RAPGEF5: variants seen among roughly 807,000 people sequenced by gnomAD.
RAPGEF5 encodes the protein Rap guanine nucleotide exchange factor 5, also known as M-Ras-regulated GEF.
A neutral mutation model predicts 125.2 loss-of-function variants in RAPGEF5; 65 were observed. That is an observed-to-expected ratio of 0.52 (90% confidence interval 0.43 to 0.64). RAPGEF5 has a LOEUF of 0.64. Ranked by LOEUF, RAPGEF5 falls within the 30% of genes least tolerant of loss-of-function variation. The pLI, the probability that RAPGEF5 is intolerant of heterozygous loss-of-function variation, is 0.00. For missense variants in RAPGEF5, 958 were observed against 1,048.1 expected (o/e 0.91, Z 1.19); for synonymous variants, 391 against 385.9 (o/e 1.01, Z -0.16).
intron 5 of RAPGEF5, among the ~76,000 whole-genome samples, chr7:22,305,160 C>A (rs1391799617): frequency 6.6e-6 from 1 of 152,162 alleles, no homozygotes; most frequent in Non-Finnish European, 1.5e-5. Context: ...GGACGGGTTA[C>A]CCGATCTCTG....
chr7:22,206,165 C>T (rs1015906274), intron 9 of RAPGEF5, among the ~76,000 whole-genome samples: 1 of 152,094 alleles, frequency 6.6e-6, no homozygotes, highest in African/African-American at 2.4e-5. Flanking sequence ...TCTTAGACAT[C>T]TAATATCTTA....
chr7:22,254,878 C>G (rs1786717225), intron 7 of RAPGEF5, among the ~76,000 whole-genome samples: 1 of 152,170 alleles, frequency 6.6e-6, no homozygotes, highest in Admixed American at 6.5e-5. Context: ...TGCCACTGAT[C>G]TGACAGGTGG....
At chr7:22,349,239 C>A (rs1039319448) in intron 1 of RAPGEF5, among the ~76,000 whole-genome samples, 1 of 151,676 alleles carries the variant, frequency 6.6e-6, no homozygotes, top group Non-Finnish European at 1.5e-5. Flanking sequence ...GCCTGGCCAA[C>A]GTGGTGAAAC....
At chr7:22,283,328 T>C (rs1156450608) in intron 6 of RAPGEF5, among the ~76,000 whole-genome samples, 1 of 152,190 alleles carries the variant, frequency 6.6e-6, no homozygotes, top group African/African-American at 2.4e-5. Flanking sequence ...TAAAGTGTCA[T>C]TATAATTTTT....
At chr7:22,226,728 T>C (rs1405108358) in intron 8 of RAPGEF5, among the ~76,000 whole-genome samples, 1 of 152,128 alleles carries the variant, frequency 6.6e-6, no homozygotes, top group Non-Finnish European at 1.5e-5. Flanking sequence ...TAGAAATCAT[T>C]TCATAATTCC....
intron 1 of RAPGEF5, among the ~76,000 whole-genome samples, chr7:22,321,476 G>A (rs954803564): frequency 3.3e-5 from 5 of 152,188 alleles, no homozygotes; most frequent in African/African-American, 4.8e-5. Context: ...GTTTCCATCA[G>A]TTTTTAAAGG....
At chr7:22,238,836 T>C (rs1318448485) in intron 7 of RAPGEF5, among the ~76,000 whole-genome samples, 1 of 152,188 alleles carries the variant, frequency 6.6e-6, no homozygotes, top group Non-Finnish European at 1.5e-5. Context: ...GGCTGAGAGA[T>C]GTCAGATAGT....
At chr7:22,305,009 A>T (rs1783302660) in intron 5 of RAPGEF5, among the ~76,000 whole-genome samples, 1 of 152,190 alleles carries the variant, frequency 6.6e-6, no homozygotes, top group African/African-American at 2.4e-5. Context: ...TCTGTTTATA[A>T]TTTTATAGGA....
intron 7 of RAPGEF5, among the ~76,000 whole-genome samples, chr7:22,259,981 G>A (rs942484729): frequency 1.3e-5 from 2 of 152,206 alleles, no homozygotes; most frequent in Admixed American, 1.3e-4. Context: ...CTACTTGGGA[G>A]GCTGAGGCAG....
chr7:22,173,589 C>A (rs867438689), intron 11 of RAPGEF5, among the ~76,000 whole-genome samples: 2 of 152,166 alleles, frequency 1.3e-5, no homozygotes, highest in Admixed American at 6.5e-5. Context: ...ATAATCAAAT[C>A]TGTTTTTATT....
intron 1 of RAPGEF5, among the ~76,000 whole-genome samples, chr7:22,338,895 G>A (rs1437223225): frequency 6.6e-6 from 1 of 152,186 alleles, no homozygotes; most frequent in Non-Finnish European, 1.5e-5. Context: ...GTGAGGATCA[G>A]GCGTTTGTTA....
chr7:22,167,093 G>C lies in RAPGEF5; in HGVS notation c.1260C>G (p.Asp420Glu). ...LTYTVFMTTD[D>E]LCQALLRHYS... Reference sequence around the variant, plus strand: ...ATTGCCTTAACAGAGCCTGGCACAAGTCATCAGTTGTCATGAAGACAGTGT... The same window carrying C: ...ATTGCCTTAACAGAGCCTGGCACAACTCATCAGTTGTCATGAAGACAGTGT... The change falls in exon 12 of 26, where the codon GAC (aspartate) becomes GAG (glutamate). Residue 420 changes from aspartate to glutamate, a missense_variant. Coordinates refer to ENST00000665637, the MANE Select transcript of RAPGEF5 (RefSeq NM_012294.5). The C allele has an allele frequency of 6.2e-7, 1 of 1,612,976 alleles. No homozygotes were observed. Among genetic ancestry groups the C allele is most frequent in the Non-Finnish European group, 8.5e-7 (1 of 1,179,330 alleles).
Position 22,118,566 on chromosome 7 carries a change from A to G in RAPGEF5, c.*3840T>C, listed in dbSNP as rs1782472678. On this transcript the variant is annotated 3_prime_UTR_variant, in exon 26 of 26. Coordinates refer to ENST00000665637, the MANE Select transcript of RAPGEF5 (RefSeq NM_012294.5). Reference sequence around the variant, plus strand: ...ATTCTGGTAACTCAACAAATGTTTCATATTTACCAGTTCTTTAAATGGTGG... The same window carrying G: ...ATTCTGGTAACTCAACAAATGTTTCGTATTTACCAGTTCTTTAAATGGTGG... 2.0e-5 allele frequency: 3 copies of G among 152,742 alleles called. No individual in the cohort carries two copies. The highest frequency in any genetic ancestry group is 1.3e-4 in the Admixed American group (2 of 15,296). 9.5% of individuals were successfully genotyped at this position (152,742 alleles called of 1,614,324 possible). A position where few individuals can be genotyped will look rare whatever the true frequency, so the allele number is the denominator to read the frequency against.
intron 1 of RAPGEF5, among the ~76,000 whole-genome samples, chr7:22,355,168 T>C (rs570682953): frequency 3.3e-5 from 5 of 152,270 alleles, no homozygotes; most frequent in African/African-American, 9.6e-5. Context: ...TAATACAGTA[T>C]TAGAATCAAA....
At chr7:22,264,676 A>C (rs1274435383) in intron 7 of RAPGEF5, among the ~76,000 whole-genome samples, 1 of 151,852 alleles carries the variant, frequency 6.6e-6, no homozygotes, top group East Asian at 1.9e-4. Context: ...TCCCTCACCA[A>C]CTTCAGGTCT....
chr7:22,274,723 T>C (rs1483345712), intron 6 of RAPGEF5, among the ~76,000 whole-genome samples: 2 of 152,132 alleles, frequency 1.3e-5, no homozygotes, highest in Non-Finnish European at 2.9e-5. Context: ...GGAAATAAGG[T>C]ATCCCTGATT....
intron 18 of RAPGEF5, among the ~76,000 whole-genome samples, chr7:22,148,751 G>A (rs545821826): frequency 2.9e-4 from 44 of 152,292 alleles, no homozygotes; most frequent in South Asian, 6.2e-4. Flanking sequence ...AGATTGAGCC[G>A]TGGGGATGCA....
chr7:22,173,043 T>C (rs943284118), intron 11 of RAPGEF5, among the ~76,000 whole-genome samples: 1 of 152,256 alleles, frequency 6.6e-6, no homozygotes, highest in Non-Finnish European at 1.5e-5. Context: ...CCTGTATTTC[T>C]ACTTCAGATG....
intron 16 of RAPGEF5, among the ~76,000 whole-genome samples, chr7:22,154,929 T>G (rs1044981343): frequency 6.6e-6 from 1 of 152,230 alleles, no homozygotes; most frequent in Non-Finnish European, 1.5e-5. Flanking sequence ...CTGACCATAA[T>G]ACAGTGGAAA....
Sources: gnomAD v4.1 joint callset for allele counts (sites outside exome capture counted in the v4.1 genomes callset) on GRCh38, gnomAD v4.1.1 for gene constraint, MANE v1.5 for transcripts, NCBI Gene and HGNC (gene_info 2026-07-23, HGNC 2026-07-21) for gene names.